Variants in MTMR2 observed in about 807,000 individuals in gnomAD.
The protein encoded by MTMR2 is myotubularin related protein 2.
A neutral mutation model predicts 86.9 loss-of-function variants in MTMR2; 55 were observed. The ratio of observed to expected loss-of-function variants is 0.63; its 90% CI spans 0.51 to 0.79. The LOEUF (loss-of-function observed/expected upper bound fraction) is 0.79, where lower values mean the gene tolerates loss of function less well. MTMR2 is among the 30% of genes least tolerant of loss of function. The probability of loss-of-function intolerance (pLI) is 0.00; values close to 1 mark genes in which losing one functional copy is unlikely to be tolerated. For synonymous variants in MTMR2, 241 were observed against 266.8 expected (o/e 0.90, Z 0.94); for missense variants, 659 against 772.3 (o/e 0.85, Z 1.74).
chr11:95,881,138 T>C (rs916724084), intron 2 of MTMR2, among the ~76,000 whole-genome samples: 20 of 152,068 alleles, frequency 1.3e-4, no homozygotes, highest in African/African-American at 4.3e-4. Context: ...CTTTTTTTTT[T>C]TAAACATGGC....
At chr11:95,857,704 C>A in intron 6 of MTMR2, 69 bp from the exon 7 acceptor site, 1 of 981,276 alleles carries the variant, frequency 1.0e-6, no homozygotes, top group South Asian at 1.3e-5. Context: ...AGAAATGTAT[C>A]CATATATCCA....
intron 2 of MTMR2, among the ~76,000 whole-genome samples, chr11:95,882,223 C>T (rs1198979715): frequency 2.0e-5 from 3 of 151,200 alleles, no homozygotes; most frequent in Non-Finnish European, 2.9e-5. Context: ...ATTGGCCAGG[C>T]GCGGTGGCTC....
intron 1 of MTMR2, among the ~76,000 whole-genome samples, chr11:95,889,031 G>T (rs755716671): frequency 2.0e-5 from 3 of 151,992 alleles, no homozygotes; most frequent in Non-Finnish European, 2.9e-5. Context: ...TTTGTACCTT[G>T]TACCCTCCCA....
chr11:95,893,685 T>C (rs1459849097), intron 1 of MTMR2, among the ~76,000 whole-genome samples: 1 of 152,090 alleles, frequency 6.6e-6, no homozygotes, highest in Non-Finnish European at 1.5e-5. Flanking sequence ...GATTCTCCCA[T>C]TCCCCAAGTG....
At chr11:95,842,489 A>G (rs755915691) in intron 11 of MTMR2, among the ~76,000 whole-genome samples, 5 of 152,116 alleles carry the variant, frequency 3.3e-5, no homozygotes, top group African/African-American at 7.2e-5. Flanking sequence ...AAACCTGTCA[A>G]AAATGCTTGA....
chr11:95,879,854 A>C (rs1208246508), intron 2 of MTMR2, among the ~76,000 whole-genome samples: 1 of 152,114 alleles, frequency 6.6e-6, no homozygotes, highest in Non-Finnish European at 1.5e-5. Flanking sequence ...TTTTAACCAT[A>C]TTATTTATAG....
intron 1 of MTMR2, among the ~76,000 whole-genome samples, chr11:95,891,812 AAC>A (rs139332159): frequency 1.2e-4 from 18 of 151,162 alleles, no homozygotes; most frequent in Admixed American, 2.0e-4. Flanking sequence ...TTACGGCAGA[AAC>A]ACACACACAC....
At chr11:95,872,231 T>C (rs1591008199) in intron 2 of MTMR2, among the ~76,000 whole-genome samples, 1 of 151,978 alleles carries the variant, frequency 6.6e-6, no homozygotes, top group East Asian at 1.9e-4. Flanking sequence ...ATTTTCACGA[T>C]ATTGATTCTT....
chr11:95,865,632 G>A lies in MTMR2; in HGVS notation c.231C>T (p.Pro77=), dbSNP rs1864585802. 1 of 1,613,808 alleles carries A rather than the reference G, an allele frequency of 6.2e-7. No individual in the cohort carries two copies. Residue 77 remains proline (P), a synonymous_variant, in exon 3 of 15, where the codon CCC becomes CCT. Transcript: ENST00000346299. The part of the protein sequence containing the change: ...SNKLAEMEEP[P]LLPGENIKDM... ...CTTTAATATTTTCTCCTGGAAGCAA[G>A]GGTGGTTCTTCCATTTCTGCTAACT...
At chr11:95,867,802 A>G (rs76087982) in intron 2 of MTMR2, among the ~76,000 whole-genome samples, 8,654 of 130,290 alleles carry the variant, frequency 0.066, 328 homozygotes, top group African/African-American at 0.11. Flanking sequence ...AGAGACTAGG[A>G]AAAAAAAGGC....
At chr11:95,867,517 T>C (rs1252443839) in intron 2 of MTMR2, among the ~76,000 whole-genome samples, 1 of 152,172 alleles carries the variant, frequency 6.6e-6, no homozygotes, top group African/African-American at 2.4e-5. Context: ...TAGGCTTTCT[T>C]ATATTCTCTC....
chr11:95,848,083 T>G (rs1368985164), intron 9 of MTMR2, among the ~76,000 whole-genome samples, 184 bp from the exon 10 acceptor site: 1 of 152,224 alleles, frequency 6.6e-6, no homozygotes, highest in Non-Finnish European at 1.5e-5. Flanking sequence ...GTGTTCTTCT[T>G]TACAAAATGA....
intron 2 of MTMR2, among the ~76,000 whole-genome samples, chr11:95,886,847 T>C (rs1351653857): frequency 6.6e-6 from 1 of 152,128 alleles, no homozygotes; most frequent in African/African-American, 2.4e-5. Context: ...AAACATTAGA[T>C]ACATACATAT....
chr11:95,857,984 C>T (rs1190846820), intron 6 of MTMR2, among the ~76,000 whole-genome samples: 1 of 152,104 alleles, frequency 6.6e-6, no homozygotes, highest in Non-Finnish European at 1.5e-5. Context: ...GAACTGGAGT[C>T]ATAAGACCAA....
intron 2 of MTMR2, among the ~76,000 whole-genome samples, chr11:95,868,759 A>G (rs1440763811): frequency 6.6e-6 from 1 of 151,996 alleles, no homozygotes; most frequent in African/African-American, 2.4e-5. Flanking sequence ...TATAGGTGGA[A>G]AAAAAATTAC....
rs1366782786 is a variant in MTMR2, at chr11:95,834,109, A to ATTTC, written c.*1177_*1180dup. ...GAACAAAGTTTAAAAGTCAGTTGGAATTTCTTTTAATTAAAAGACCAAGGG... is the reference window on the plus strand; with the variant it reads ...GAACAAAGTTTAAAAGTCAGTTGGAATTTCTTTCTTTTAATTAAAAGACCAAGGG... On this transcript the variant is annotated 3_prime_UTR_variant, in exon 15 of 15. Coordinates refer to ENST00000346299, the MANE Select transcript of MTMR2 (RefSeq NM_016156.6). 1 of 152,546 alleles carries ATTTC rather than the reference A, an allele frequency of 6.6e-6. No homozygotes were observed. The highest frequency in any genetic ancestry group is 2.4e-5 in the African/African-American group (1 of 41,438). 9.4% of individuals were successfully genotyped at this position (152,546 alleles called of 1,614,324 possible).
intron 2 of MTMR2, among the ~76,000 whole-genome samples, chr11:95,868,554 A>T (rs559904530): frequency 6.6e-6 from 1 of 152,152 alleles, no homozygotes; most frequent in East Asian, 1.9e-4. Flanking sequence ...ATCATCATGG[A>T]AAATAATCAA....
rs121434402 is a variant in MTMR2 at position 95,845,063 on chromosome 11, G to A, written c.1276C>T (p.Gln426Ter). ...ATGAGCATGGCAAGGGAAGTGAGCT[G>A]AGCTGTGCGATCCCAACCATCACTG... ...HCSDGWDRTAQLTSLAMLMLD... is the reference protein window; with the variant it reads ...HCSDGWDRTA Residue 426 changes from glutamine to a stop codon, truncating the protein, a stop_gained, in exon 11 of 15, where the codon CAG becomes TAG. Transcript: ENST00000346299. LOFTEE classifies it high-confidence loss of function. 3.1e-6 allele frequency: 5 copies of A among 1,613,806 alleles called. No homozygotes were observed. Among genetic ancestry groups the A allele is most frequent in the African/African-American group, 1.3e-5 (1 of 74,902 alleles).
chr11:95,837,885 C>A (rs879817025), intron 13 of MTMR2, among the ~76,000 whole-genome samples: 1 of 152,056 alleles, frequency 6.6e-6, no homozygotes. Context: ...ACTCAGCAGA[C>A]AGCTAGCTAG....
Sources: allele counts gnomAD v4.1 joint callset (sites outside exome capture counted in the v4.1 genomes callset), GRCh38; gene constraint gnomAD v4.1.1; transcripts MANE v1.5; gene names NCBI Gene and HGNC (gene_info 2026-07-23, HGNC 2026-07-21).